RORB: variants seen among roughly 807,000 people sequenced by gnomAD.
RORB encodes the protein nuclear receptor ROR-beta.
Under a neutral mutation model 59.1 loss-of-function variants are expected in RORB, and 6 were observed. That is an observed-to-expected ratio of 0.10 (90% CI 0.06 to 0.20). The LOEUF (loss-of-function observed/expected upper bound fraction) is 0.20. RORB is among the 10% of genes least tolerant of loss of function. The pLI is 1.00. For synonymous variants in RORB, 215 were observed against 204.5 expected, an observed-to-expected ratio of 1.05 and a Z score of -0.44; for missense variants, 320 against 560.5, an observed-to-expected ratio of 0.57 and a Z score of 4.33.
chr9:74,658,195 G>A (rs1824120437), intron 4 of RORB, among the ~76,000 whole-genome samples: 1 of 152,090 alleles, frequency 6.6e-6, no homozygotes, highest in African/African-American at 2.4e-5. Flanking sequence ...GGGACAAACA[G>A]AGGGATTCAA....
At chr9:74,675,701 GT>G (rs1265140311) in intron 9 of RORB, among the ~76,000 whole-genome samples, 3 of 152,220 alleles carry the variant, frequency 2.0e-5, no homozygotes, top group African/African-American at 7.2e-5. Context: ...AGCATACAGT[GT>G]GTGCAAAGCC....
chr9:74,630,788 C>A (rs1360301690), intron 2 of RORB, among the ~76,000 whole-genome samples: 1 of 146,932 alleles, frequency 6.8e-6, no homozygotes, highest in East Asian at 2.0e-4. Flanking sequence ...GTAACAGCTA[C>A]AATATGCATA....
At position 74,586,229 on chromosome 9, in the gene RORB, C is replaced by T. The variant is rs552358914; in HGVS notation, c.8-44053C>T. On this transcript the variant is annotated intron_variant, in intron 1 of 9. Transcript: ENST00000376896. ...AAGTGTATTTTGGGCCAGGTGCAGT[C>T]GCTCATGCCTGTAAACCCAGCACTT... 5.9e-5 allele frequency among the ~76,000 whole-genome samples: 9 copies of T among 152,184 alleles called. No individual in the cohort carries two copies. In the South Asian group the frequency reaches 1.0e-3, roughly 18 times the overall value.
intron 1 of RORB, among the ~76,000 whole-genome samples, chr9:74,612,471 C>T (rs1293533139): frequency 6.6e-6 from 1 of 152,160 alleles, no homozygotes; most frequent in East Asian, 1.9e-4. Context: ...ACTTTATAGA[C>T]ATACTAGCCA....
chr9:74,641,729 C>T (rs1385689720), intron 3 of RORB, among the ~76,000 whole-genome samples: 4 of 151,260 alleles, frequency 2.6e-5, no homozygotes, highest in African/African-American at 7.3e-5. Context: ...AGCAAGGCCC[C>T]GGCTCTACAA....
chr9:74,629,341 T>C (rs1216303891), intron 1 of RORB, among the ~76,000 whole-genome samples: 1 of 151,568 alleles, frequency 6.6e-6, no homozygotes, highest in Non-Finnish European at 1.5e-5. Flanking sequence ...TTATGGCCAG[T>C]GAGATCAGAT....
Position 74,500,914 on chromosome 9 carries a change from G to T in RORB, c.7+2931G>T, listed in dbSNP as rs574987486. Among the ~76,000 whole-genome samples, 3 of 152,200 alleles carry T rather than the reference G, an allele frequency of 2.0e-5. No homozygotes were observed. In the East Asian group the frequency reaches 5.8e-4, roughly 30 times the overall value. On this transcript the variant is annotated intron_variant, in intron 1 of 9. Transcript: ENST00000376896. Reference sequence around the variant, plus strand: ...AAAGCCTTTCATCCTTTGTCTGTGAGAGGGTACCACAGAAGTTCTAGAGAG... The same window carrying T: ...AAAGCCTTTCATCCTTTGTCTGTGATAGGGTACCACAGAAGTTCTAGAGAG...
chr9:74,618,389 T>C (rs1402461199), intron 1 of RORB, among the ~76,000 whole-genome samples: 2 of 152,192 alleles, frequency 1.3e-5, no homozygotes, highest in Non-Finnish European at 2.9e-5. Flanking sequence ...ATTGTCTCAG[T>C]GTGGGGTGAT....
intron 4 of RORB, among the ~76,000 whole-genome samples, chr9:74,659,269 G>T (rs577421114): frequency 6.6e-6 from 1 of 152,178 alleles, no homozygotes; most frequent in Non-Finnish European, 1.5e-5. Flanking sequence ...TATACCAGAA[G>T]CTTAGTGAGA....
intron 1 of RORB, among the ~76,000 whole-genome samples, chr9:74,602,553 C>T (rs926538028): frequency 7.2e-5 from 11 of 152,134 alleles, no homozygotes; most frequent in African/African-American, 2.7e-4. Flanking sequence ...AGTGACGATC[C>T]GTCCTTGGCA....
intron 1 of RORB, among the ~76,000 whole-genome samples, chr9:74,575,996 C>T (rs1822628996): frequency 6.6e-6 from 1 of 151,996 alleles, no homozygotes; most frequent in African/African-American, 2.4e-5. Context: ...CAAGGTCCCT[C>T]GAAGCCAAAC....
At chr9:74,584,080 C>T (rs1166207810) in intron 1 of RORB, among the ~76,000 whole-genome samples, 1 of 152,136 alleles carries the variant, frequency 6.6e-6, no homozygotes, top group Non-Finnish European at 1.5e-5. Context: ...CTTTCTCTAA[C>T]CTTGAGACTT....
Position 74,497,874 on chromosome 9 carries a change from G to T in RORB, c.-103G>T, listed in dbSNP as rs1825735529. 1.4e-6 allele frequency: 2 copies of T among 1,438,336 alleles called. No homozygotes were observed. The highest frequency in any genetic ancestry group is 4.8e-5 in the East Asian group (2 of 41,630). The allele number at this position is 1,438,336 out of a possible 1,614,324, so 89.1% of individuals were successfully genotyped here. On this transcript the variant is annotated 5_prime_UTR_variant, in exon 1 of 10. Coordinates refer to ENST00000376896, the MANE Select transcript of RORB (RefSeq NM_006914.4). ...GGTTTTCTCGGCAGAGCAGCTCTTC[G>T]CCGACCACCTTCTTCACTCGTGCTG...
intron 1 of RORB, among the ~76,000 whole-genome samples, chr9:74,523,394 A>G (rs1826110612): frequency 6.6e-6 from 1 of 151,806 alleles, no homozygotes; most frequent in South Asian, 2.1e-4. Context: ...CTTTCCTTTA[A>G]ATAGCTCCAC....
rs568523883 is a variant in RORB at position 74,619,516 on chromosome 9, A to G, written c.8-10766A>G. Among the ~76,000 whole-genome samples the G allele has an allele frequency of 2.0e-5, 3 of 152,208 alleles. No individual in the cohort carries two copies. In the South Asian group the frequency reaches 6.2e-4, roughly 32 times the overall value. ...GCCCAGGCTGGAGTGCAGTGGCGCGATCTTGGCTCACTGCAACCTCTGCCT... is the reference window on the plus strand; with the variant it reads ...GCCCAGGCTGGAGTGCAGTGGCGCGGTCTTGGCTCACTGCAACCTCTGCCT... On this transcript the variant is annotated intron_variant, in intron 1 of 9. Transcript: ENST00000376896.
At chr9:74,587,537 T>A (rs893628025) in intron 1 of RORB, among the ~76,000 whole-genome samples, 1 of 152,144 alleles carries the variant, frequency 6.6e-6, no homozygotes, top group Non-Finnish European at 1.5e-5. Context: ...GTGGGTCAAC[T>A]GGGTGGTTCT....
intron 1 of RORB, among the ~76,000 whole-genome samples, chr9:74,581,565 G>C (rs1307785179): frequency 2.0e-5 from 3 of 152,148 alleles, no homozygotes; most frequent in African/African-American, 7.2e-5. Flanking sequence ...GCTTGAGCAG[G>C]AAAAGTTTGC....
At chr9:74,528,501 T>C (rs1826189385) in intron 1 of RORB, among the ~76,000 whole-genome samples, 1 of 151,944 alleles carries the variant, frequency 6.6e-6, no homozygotes, top group South Asian at 2.1e-4. Flanking sequence ...CAAAGTCTTG[T>C]TACCCTTTCC....
intron 1 of RORB, among the ~76,000 whole-genome samples, chr9:74,571,814 G>T (rs1158702996): frequency 1.3e-5 from 2 of 152,114 alleles, no homozygotes; most frequent in African/African-American, 4.8e-5. Context: ...GAAAGGCAAG[G>T]TTGCAAGGCA....
Sources: gnomAD v4.1 joint callset for allele counts (sites outside exome capture counted in the v4.1 genomes callset) on GRCh38, gnomAD v4.1.1 for gene constraint, MANE v1.5 for transcripts, NCBI Gene and HGNC (gene_info 2026-07-23, HGNC 2026-07-21) for gene names.